Variants in LRRC49 observed in about 807,000 individuals in gnomAD.
LRRC49 encodes the protein leucine rich repeat containing 49.
In LRRC49, 50 loss-of-function variants were observed where a neutral mutation model predicts 83.3. The ratio of observed to expected loss-of-function variants is 0.60; its 90% CI spans 0.48 to 0.76. LRRC49 has a LOEUF of 0.76. LRRC49 is among the 30% of genes least tolerant of loss of function. The pLI is 0.00. For missense variants in LRRC49, 704 were observed against 809.1 expected (o/e 0.87, Z 1.58); for synonymous variants, 286 against 283.3 (o/e 1.01, Z -0.10).
At chr15:71,045,690 C>T (rs534689878) in intron 15 of LRRC49, among the ~76,000 whole-genome samples, 2 of 151,948 alleles carry the variant, frequency 1.3e-5, no homozygotes, top group Middle Eastern at 3.4e-3. Flanking sequence ...TATTATGAAT[C>T]TTTATTTTAT....
At chr15:70,953,989 G>C (rs942521044) in intron 8 of LRRC49, among the ~76,000 whole-genome samples, 1 of 151,938 alleles carries the variant, frequency 6.6e-6, no homozygotes, top group Non-Finnish European at 1.5e-5. Flanking sequence ...CCACCTCCTG[G>C]GTTCAAGCGA....
At chr15:70,990,076 T>A (rs964696595) in intron 11 of LRRC49, among the ~76,000 whole-genome samples, 1 of 151,946 alleles carries the variant, frequency 6.6e-6, no homozygotes, top group Non-Finnish European at 1.5e-5. Context: ...TGCTCGGGGG[T>A]CAGGGGTCAG....
intron 9 of LRRC49, among the ~76,000 whole-genome samples, chr15:70,971,339 G>A (rs865788729): frequency 1.3e-5 from 2 of 152,142 alleles, no homozygotes; most frequent in Admixed American, 6.5e-5. Flanking sequence ...ACTGTGGTCC[G>A]AGAGACTGTT....
rs144620104 is a variant in LRRC49 at position 70,928,562 on chromosome 15, C to A, written c.712-8199C>A. Among the ~76,000 whole-genome samples, 197 of 151,148 alleles carry A rather than the reference C, an allele frequency of 1.3e-3. 1 individual carries two copies. In the East Asian group the frequency reaches 0.028, roughly 22 times the overall value. ...TTTATTTATTTATTTATTTAATTTT[C>A]TTTTATTTATTTATTTATTTTTGAA... On this transcript the variant is annotated intron_variant, in intron 7 of 15. Transcript: ENST00000260382.
chr15:70,859,384 C>T, intron 1 of LRRC49: 2 of 763,480 alleles, frequency 2.6e-6, no homozygotes, highest in South Asian at 1.4e-5. Context: ...TGGACTTCCT[C>T]AGGCAGCTGT....
chr15:70,861,317 C>G (rs1196555792), intron 1 of LRRC49, among the ~76,000 whole-genome samples: 1 of 151,486 alleles, frequency 6.6e-6, no homozygotes, highest in Non-Finnish European at 1.5e-5. Flanking sequence ...CAAAAGCAGG[C>G]AAATTATGTG....
intron 9 of LRRC49, among the ~76,000 whole-genome samples, chr15:70,969,459 A>G (rs751922912): frequency 3.3e-5 from 5 of 152,196 alleles, no homozygotes; most frequent in Non-Finnish European, 7.3e-5. Flanking sequence ...TGTCTTGGCT[A>G]TATGGGCTCT....
At chr15:70,872,368 A>C (rs1362577545) in intron 1 of LRRC49, among the ~76,000 whole-genome samples, 1 of 150,868 alleles carries the variant, frequency 6.6e-6, no homozygotes, top group Admixed American at 6.6e-5. Context: ...TCGGCTCGGC[A>C]TCAGAGGGAG....
chr15:71,006,771 G>A (rs2038473588), intron 11 of LRRC49, among the ~76,000 whole-genome samples: 1 of 152,082 alleles, frequency 6.6e-6, no homozygotes, highest in Non-Finnish European at 1.5e-5. Context: ...AATGTGGCAA[G>A]TATTGTAATA....
intron 8 of LRRC49, among the ~76,000 whole-genome samples, chr15:70,954,423 C>G (rs2036326730): frequency 6.6e-6 from 1 of 152,148 alleles, no homozygotes; most frequent in Non-Finnish European, 1.5e-5. Context: ...AATTCTCTGC[C>G]TGGCATTTCA....
In LRRC49 at chr15:70,894,692, A is replaced by G. The variant is rs779019769; in HGVS notation, c.105+1052A>G. On this transcript the variant is annotated intron_variant, in intron 2 of 15. Coordinates refer to ENST00000260382, the MANE Select transcript of LRRC49 (RefSeq NM_017691.5). The stretch of plus-strand genomic sequence containing the variant: ...CAGGTGTGTCCTAAAAAGTTATTAA[A>G]TAGGCGTCACTGGAAGAACTCTAAA... The G allele has an allele frequency of 3.7e-6, 4 of 1,084,606 alleles. No homozygotes were observed. In the South Asian group the frequency reaches 5.5e-5, roughly 15 times the overall value. 67.2% of individuals were successfully genotyped at this position (1,084,606 alleles called of 1,614,324 possible). A position where few individuals can be genotyped will look rare whatever the true frequency, so the allele number is the denominator to read the frequency against.
In LRRC49 at chr15:71,037,214, G is replaced by GA. The variant is rs1365554814; in HGVS notation, c.1746dup (p.Pro583ThrfsTer9). On this transcript the variant is annotated frameshift_variant, in exon 15 of 16. Transcript: ENST00000260382. LOFTEE classifies it high-confidence loss of function. The stretch of plus-strand genomic sequence containing the variant: ...TTTCGGTATCTACTAGAATCCAAAG[G>GA]AAAAAAACCTGGTATTATCAACGAA... 6.2e-7 allele frequency: 1 copy of GA among 1,609,750 alleles called. No individual in the cohort carries two copies. The highest frequency in any genetic ancestry group is 8.5e-7 in the Non-Finnish European group (1 of 1,178,056).
chr15:70,948,858 A>T (rs2141176020), intron 8 of LRRC49, among the ~76,000 whole-genome samples: 1 of 152,202 alleles, frequency 6.6e-6, no homozygotes, highest in South Asian at 2.1e-4. Context: ...GTGTATATGT[A>T]TGTGTGTATG....
chr15:70,992,920 A>G (rs1314985598), intron 11 of LRRC49, among the ~76,000 whole-genome samples: 4 of 152,146 alleles, frequency 2.6e-5, no homozygotes, highest in African/African-American at 9.7e-5. Flanking sequence ...TCAGACAGGG[A>G]CATTTAAGTC....
intron 14 of LRRC49, among the ~76,000 whole-genome samples, chr15:71,014,794 T>C (rs1006079757): frequency 2.0e-5 from 3 of 152,186 alleles, no homozygotes; most frequent in African/African-American, 7.2e-5. Context: ...TAATAGTCAT[T>C]AATATGCTTC....
chr15:70,919,022 A>G (rs1360140656), intron 6 of LRRC49, 28 bp from the exon 7 acceptor site: 1 of 1,586,798 alleles, frequency 6.3e-7, no homozygotes, highest in Non-Finnish European at 8.6e-7. Flanking sequence ...TTGCCTGCTA[A>G]TCACCCTTCT....
chr15:70,943,796 G>C (rs1439647922), intron 8 of LRRC49, among the ~76,000 whole-genome samples: 1 of 152,122 alleles, frequency 6.6e-6, no homozygotes, highest in African/African-American at 2.4e-5. Context: ...ATCAGTTTCA[G>C]GTTTTTTTCT....
intron 7 of LRRC49, among the ~76,000 whole-genome samples, chr15:70,921,852 C>T (rs371901473): frequency 1.7e-4 from 26 of 152,282 alleles, no homozygotes; most frequent in African/African-American, 4.8e-4. Context: ...ACCTACTTAC[C>T]GTCTTGAACA....
intron 11 of LRRC49, among the ~76,000 whole-genome samples, chr15:70,989,670 G>A (rs572526297): frequency 6.6e-6 from 1 of 152,182 alleles, no homozygotes; most frequent in African/African-American, 2.4e-5. Flanking sequence ...TCCATTGCTG[G>A]TGAGGAGCTG....
Sources: gnomAD v4.1 joint callset for allele counts (sites outside exome capture counted in the v4.1 genomes callset) on GRCh38, gnomAD v4.1.1 for gene constraint, MANE v1.5 for transcripts, NCBI Gene and HGNC (gene_info 2026-07-23, HGNC 2026-07-21) for gene names.